AGBL4: variants seen among roughly 807,000 people sequenced by gnomAD.
The protein encoded by AGBL4 is AGBL carboxypeptidase 4, also known as cytosolic carboxypeptidase 6.
In AGBL4, 58 loss-of-function variants were observed where a neutral mutation model predicts 66.4. The observed-to-expected ratio is 0.87, with a 90% confidence interval of 0.71 to 1.09. The LOEUF (loss-of-function observed/expected upper bound fraction) is 1.09, where lower values mean the gene tolerates loss of function less well. Among genes scored for constraint, AGBL4 ranks in the 50% least tolerant of loss-of-function variants. The probability of loss-of-function intolerance (pLI) is 0.00; values close to 1 mark genes in which losing one functional copy is unlikely to be tolerated. For synonymous variants in AGBL4, 234 were observed against 222.9 expected (o/e 1.05, Z -0.44); for missense variants, 579 against 631.0 (o/e 0.92, Z 0.88).
At position 49,948,580 on chromosome 1, in the gene AGBL4, TATAGAGAGAG is replaced by T. The variant is rs1485652518; in HGVS notation, c.34+75173_34+75182del. Among the ~76,000 whole-genome samples the T allele has an allele frequency of 4.5e-4, 57 of 126,848 alleles. 1 individual carries two copies. Among genetic ancestry groups the T allele is most frequent in the African/African-American group, 1.6e-3 (51 of 32,878 alleles). The allele number at this position is 126,848 out of a possible 152,430, so 83.2% of individuals were successfully genotyped here. A position where few individuals can be genotyped will look rare whatever the true frequency, so the allele number is the denominator to read the frequency against. The stretch of plus-strand genomic sequence containing the variant: ...ATATATAAAAATATATATATATATA[TATAGAGAGAG>T]AGAGAGAGAGAGAGAGATACACTTA... On this transcript the variant is annotated intron_variant, in intron 1 of 13. Coordinates refer to ENST00000371839, the MANE Select transcript of AGBL4 (RefSeq NM_032785.4).
intron 9 of AGBL4, among the ~76,000 whole-genome samples, chr1:48,617,676 C>A (rs1410382351): frequency 6.6e-6 from 1 of 152,122 alleles, no homozygotes; most frequent in African/African-American, 2.4e-5. Flanking sequence ...TACGGGCTGG[C>A]CGTTGTTTCT....
chr1:49,157,827 C>T (rs1185872759), intron 4 of AGBL4, among the ~76,000 whole-genome samples: 3 of 152,084 alleles, frequency 2.0e-5, no homozygotes, highest in Admixed American at 6.5e-5. Flanking sequence ...TCTCTAATGA[C>T]CAGTGATGAT....
chr1:48,971,182 T>G (rs552902309), intron 5 of AGBL4, among the ~76,000 whole-genome samples: 1 of 152,220 alleles, frequency 6.6e-6, no homozygotes, highest in East Asian at 1.9e-4. Flanking sequence ...AGGTGAGCAG[T>G]GGGCAAGGAG....
intron 6 of AGBL4, among the ~76,000 whole-genome samples, chr1:48,672,824 A>G (rs979003276): frequency 2.6e-5 from 4 of 152,230 alleles, no homozygotes; most frequent in African/African-American, 9.6e-5. Flanking sequence ...ATTAATAACT[A>G]AGAACAATTG....
intron 3 of AGBL4, among the ~76,000 whole-genome samples, chr1:49,377,837 A>G (rs1182886177): frequency 6.6e-6 from 1 of 152,136 alleles, no homozygotes; most frequent in Non-Finnish European, 1.5e-5. Flanking sequence ...ACCTGGCTCC[A>G]GAGGGATATA....
intron 11 of AGBL4, 53 bp downstream of exon 11, chr1:48,586,951 A>T: frequency 6.2e-7 from 1 of 1,604,168 alleles, no homozygotes; most frequent in Non-Finnish European, 8.5e-7. Flanking sequence ...TCAGACTTGG[A>T]TACTCTCGGC....
chr1:49,656,589 T>C (rs951779690), intron 3 of AGBL4, among the ~76,000 whole-genome samples: 1 of 152,142 alleles, frequency 6.6e-6, no homozygotes, highest in African/African-American at 2.4e-5. Context: ...CTGATGAACG[T>C]TGATGCAAAA....
intron 3 of AGBL4, among the ~76,000 whole-genome samples, chr1:49,567,162 A>C (rs575797003): frequency 1.3e-5 from 2 of 152,318 alleles, no homozygotes; most frequent in African/African-American, 4.8e-5. Context: ...GTGCAGTATT[A>C]GGGTGGGAGT....
At chr1:48,599,656 A>G (rs1040727263) in intron 9 of AGBL4, among the ~76,000 whole-genome samples, 4 of 152,226 alleles carry the variant, frequency 2.6e-5, no homozygotes, top group African/African-American at 9.6e-5. Flanking sequence ...GAAGAATCAA[A>G]GGTTTATGAC....
At chr1:49,452,805 T>C (rs1222432945) in intron 3 of AGBL4, among the ~76,000 whole-genome samples, 1 of 151,848 alleles carries the variant, frequency 6.6e-6, no homozygotes, top group Non-Finnish European at 1.5e-5. Flanking sequence ...CTAAAGGAAT[T>C]ATCATTCATG....
chr1:49,831,520 G>A (rs1256038239), intron 2 of AGBL4, among the ~76,000 whole-genome samples: 1 of 152,174 alleles, frequency 6.6e-6, no homozygotes, highest in East Asian at 1.9e-4. Flanking sequence ...CTGACACAAT[G>A]GGGTTTTCTA....
At chr1:49,530,281 A>AAAAAAAAAAAAAAAAAAAAT (rs1370165803) in intron 3 of AGBL4, among the ~76,000 whole-genome samples, 7 of 148,100 alleles carry the variant, frequency 4.7e-5, no homozygotes, top group South Asian at 2.1e-4. Flanking sequence ...AACAAAAAAA[A>AAAAAAAAAAAAAAAAAAAAT]ACTCTATGAG....
intron 6 of AGBL4, among the ~76,000 whole-genome samples, chr1:48,717,050 G>A (rs1647063028): frequency 6.6e-6 from 1 of 152,232 alleles, no homozygotes; most frequent in Admixed American, 6.5e-5. Flanking sequence ...GGCCACGTCT[G>A]TATTTCAGCT....
chr1:49,648,575 C>T (rs180858088), intron 3 of AGBL4, among the ~76,000 whole-genome samples: 41 of 151,652 alleles, frequency 2.7e-4, no homozygotes, highest in Admixed American at 2.0e-3. Context: ...CATTTTAAAA[C>T]GAAAGAAAAT....
chr1:48,639,710 A>C (rs183432029), intron 8 of AGBL4, among the ~76,000 whole-genome samples: 272 of 152,364 alleles, frequency 1.8e-3, no homozygotes, highest in African/African-American at 6.3e-3. Flanking sequence ...GATTTGTGGG[A>C]CACAAATGGG....
chr1:49,736,171 T>G (rs1649876825), intron 2 of AGBL4, among the ~76,000 whole-genome samples: 1 of 151,976 alleles, frequency 6.6e-6, no homozygotes, highest in Admixed American at 6.6e-5. Flanking sequence ...AACATTAGTA[T>G]ACACATCAAA....
intron 4 of AGBL4, among the ~76,000 whole-genome samples, chr1:49,215,386 A>G (rs1649002732): frequency 6.6e-6 from 1 of 152,142 alleles, no homozygotes; most frequent in South Asian, 2.1e-4. Flanking sequence ...CACATATCAG[A>G]TGATCACTCC....
At chr1:49,614,376 T>C (rs1645212254) in intron 3 of AGBL4, among the ~76,000 whole-genome samples, 1 of 152,178 alleles carries the variant, frequency 6.6e-6, no homozygotes, top group African/African-American at 2.4e-5. Flanking sequence ...TTGTTACATG[T>C]AGTTACTTAC....
chr1:48,842,364 C>T (rs1166445308), intron 6 of AGBL4, among the ~76,000 whole-genome samples: 8 of 152,002 alleles, frequency 5.3e-5, no homozygotes, highest in African/African-American at 1.9e-4. Context: ...AAGATCAGAG[C>T]GATAAATGAA....
Sources: gnomAD v4.1 joint callset for allele counts (sites outside exome capture counted in the v4.1 genomes callset) on GRCh38, gnomAD v4.1.1 for gene constraint, MANE v1.5 for transcripts, NCBI Gene and HGNC (gene_info 2026-07-23, HGNC 2026-07-21) for gene names.